The following KLF12 variants were observed in gnomAD, a reference collection of about 807,000 sequenced individuals.
KLF12 encodes KLF transcription factor 12.
Under a neutral mutation model 37.8 loss-of-function variants are expected in KLF12, and 9 were observed. The ratio of observed to expected loss-of-function variants is 0.24; its 90% confidence interval spans 0.14 to 0.42. The LOEUF (loss-of-function observed/expected upper bound fraction) is 0.42, where lower values mean the gene tolerates loss of function less well. KLF12 is among the 10% of genes least tolerant of loss of function. The probability of loss-of-function intolerance (pLI) is 1.00; values close to 1 mark genes in which losing one functional copy is unlikely to be tolerated. For missense variants in KLF12, 411 were observed against 516.0 expected, an observed-to-expected ratio of 0.80 and a Z score of 1.97; for synonymous variants, 208 against 202.1, an observed-to-expected ratio of 1.03 and a Z score of -0.25.
At chr13:74,061,783 G>A (rs139338525) in intron 1 of KLF12, among the ~76,000 whole-genome samples, 25 of 152,244 alleles carry the variant, frequency 1.6e-4, no homozygotes, top group African/African-American at 5.5e-4. Flanking sequence ...CTTTGAATAC[G>A]TAAAGTATTG....
chr13:74,000,058 C>T (rs1397514565), intron 1 of KLF12, among the ~76,000 whole-genome samples: 1 of 152,104 alleles, frequency 6.6e-6, no homozygotes, highest in Admixed American at 6.5e-5. Context: ...ATAAGCCCTC[C>T]TCCCCACTTT....
At chr13:73,908,487 TTG>T (rs202188112) in intron 3 of KLF12, among the ~76,000 whole-genome samples, 7,000 of 151,028 alleles carry the variant, frequency 0.046, 390 homozygotes, top group African/African-American at 0.13. Flanking sequence ...TTTTTTTCTT[TTG>T]TTTTTTTTTG....
chr13:74,041,238 T>C (rs1246710061), intron 1 of KLF12, among the ~76,000 whole-genome samples: 3 of 152,176 alleles, frequency 2.0e-5, no homozygotes, highest in Non-Finnish European at 4.4e-5. Flanking sequence ...AGCATGCCCA[T>C]ATTATCTACC....
At chr13:74,024,286 C>T (rs1022359019) in intron 1 of KLF12, among the ~76,000 whole-genome samples, 11 of 152,162 alleles carry the variant, frequency 7.2e-5, no homozygotes, top group African/African-American at 2.4e-4. Flanking sequence ...ATTCTCAATT[C>T]CAACTTCATG....
chr13:74,199,555 A>G, the KLF12 span, among the ~76,000 whole-genome samples: 1 of 152,224 alleles, frequency 6.6e-6, no homozygotes, highest in Non-Finnish European at 1.5e-5. Context: ...AGAATATTAC[A>G]TCTCAAATAT....
At chr13:74,159,041 A>T in the KLF12 span, among the ~76,000 whole-genome samples, 1 of 152,308 alleles carries the variant, frequency 6.6e-6, no homozygotes, top group Admixed American at 6.5e-5. Flanking sequence ...TCTGTATGTA[A>T]ATATGAGAAA....
intron 3 of KLF12, among the ~76,000 whole-genome samples, chr13:73,855,359 T>C (rs1222665812): frequency 6.6e-6 from 1 of 152,180 alleles, no homozygotes; most frequent in Non-Finnish European, 1.5e-5. Flanking sequence ...TCTGTTTCCA[T>C]GTTAGTTCGC....
At chr13:73,810,564 G>A (rs935641482) in intron 5 of KLF12, among the ~76,000 whole-genome samples, 3 of 151,592 alleles carry the variant, frequency 2.0e-5, no homozygotes, top group South Asian at 2.1e-4. Context: ...CACCACGCCC[G>A]GCTGTAAGCA....
At chr13:73,785,100 A>C (rs1017964426) in intron 5 of KLF12, among the ~76,000 whole-genome samples, 3 of 149,378 alleles carry the variant, frequency 2.0e-5, no homozygotes, top group Non-Finnish European at 3.0e-5. Context: ...TTCGTTCAAT[A>C]AATGATGTAA....
intron 2 of KLF12, among the ~76,000 whole-genome samples, chr13:73,987,942 T>C (rs1467400442): frequency 6.6e-6 from 1 of 152,060 alleles, no homozygotes; most frequent in African/African-American, 2.4e-5. Flanking sequence ...GAAATAAGCC[T>C]CAACAGATTC....
intron 6 of KLF12, among the ~76,000 whole-genome samples, chr13:73,742,468 A>G (rs1163076940): frequency 6.6e-6 from 1 of 152,184 alleles, no homozygotes; most frequent in Non-Finnish European, 1.5e-5. Flanking sequence ...ACAGTTATAG[A>G]GCAATTTAAT....
chr13:73,928,633 G>T (rs7323072), intron 3 of KLF12, among the ~76,000 whole-genome samples: 37,877 of 152,042 alleles, frequency 0.25, 5,244 homozygotes, highest in East Asian at 0.57. Context: ...CATTTTTCAT[G>T]AAACATGATA....
intron 4 of KLF12, among the ~76,000 whole-genome samples, chr13:73,836,982 A>G (rs1362651116): frequency 6.6e-6 from 1 of 151,852 alleles, no homozygotes; most frequent in Admixed American, 6.6e-5. Context: ...TTACAATGAA[A>G]TGAAAACAAA....
intron 1 of KLF12, among the ~76,000 whole-genome samples, chr13:74,054,369 C>A (rs1449803285): frequency 1.3e-5 from 2 of 152,124 alleles, no homozygotes; most frequent in South Asian, 2.1e-4. Flanking sequence ...TAGCTGTAGT[C>A]AGAAGCTGGA....
chr13:73,744,304 G>A (rs1878212585), intron 6 of KLF12, among the ~76,000 whole-genome samples: 1 of 152,094 alleles, frequency 6.6e-6, no homozygotes, highest in Non-Finnish European at 1.5e-5. Context: ...TTTCTATTTT[G>A]GAACTTCAAT....
intron 4 of KLF12, among the ~76,000 whole-genome samples, chr13:73,819,285 A>C (rs1043765472): frequency 1.3e-5 from 2 of 152,204 alleles, no homozygotes; most frequent in African/African-American, 4.8e-5. Context: ...CAAAGCACTT[A>C]GTCCTGGCCT....
At chr13:74,122,456 T>C (rs1279665731) in intron 1 of KLF12, among the ~76,000 whole-genome samples, 3 of 152,106 alleles carry the variant, frequency 2.0e-5, no homozygotes, top group African/African-American at 7.2e-5. Context: ...GCATTGCTGG[T>C]AATAATATGA....
the KLF12 span, among the ~76,000 whole-genome samples, chr13:74,220,006 C>T: frequency 2.0e-5 from 3 of 152,070 alleles, no homozygotes; most frequent in Non-Finnish European, 4.4e-5. Flanking sequence ...ATGTCTTAGT[C>T]ATTATCTCTT....
chr13:73,966,587 C>T (rs1262340255), intron 2 of KLF12, among the ~76,000 whole-genome samples: 1 of 152,140 alleles, frequency 6.6e-6, no homozygotes. Context: ...ACCTCTGTGG[C>T]CTCTTGTAGC....
Sources: allele counts gnomAD v4.1 joint callset (sites outside exome capture counted in the v4.1 genomes callset), GRCh38; gene constraint gnomAD v4.1.1; transcripts MANE v1.5; gene names NCBI Gene and HGNC (gene_info 2026-07-23, HGNC 2026-07-21).